Variants in GNAO1 observed in about 807,000 individuals in gnomAD.
GNAO1 encodes guanine nucleotide-binding protein G(o) subunit alpha.
For synonymous variants in GNAO1, 164 were observed against 180.7 expected, an observed-to-expected ratio of 0.91 and a Z score of 0.74; for missense variants, 166 against 478.7, an observed-to-expected ratio of 0.35 and a Z score of 6.10.
chr16:56,284,677 C>T (rs2037147930), intron 3 of GNAO1, among the ~76,000 whole-genome samples: 1 of 152,152 alleles, frequency 6.6e-6, no homozygotes, highest in Admixed American at 6.5e-5. Flanking sequence ...CCCTTGGGGC[C>T]AGACAGCAGG....
chr16:56,287,991 C>T (rs1229945843), intron 3 of GNAO1, among the ~76,000 whole-genome samples: 1 of 152,186 alleles, frequency 6.6e-6, no homozygotes, highest in Non-Finnish European at 1.5e-5. Flanking sequence ...ATAGCATCTG[C>T]GCAGAGTAAA....
chr16:56,277,876 A>G (rs1158452303), intron 3 of GNAO1, among the ~76,000 whole-genome samples: 1 of 150,808 alleles, frequency 6.6e-6, no homozygotes, highest in Non-Finnish European at 1.5e-5. Flanking sequence ...AAATGTATTC[A>G]TCTCCCAGCC....
intron 5 of GNAO1, among the ~76,000 whole-genome samples, chr16:56,335,148 G>A (rs1200094584): frequency 6.6e-6 from 1 of 152,188 alleles, no homozygotes; most frequent in East Asian, 1.9e-4. Context: ...CAAGGAGGAG[G>A]AGGAGGTGGG....
At chr16:56,347,616 G>T (rs2037884032) in intron 6 of GNAO1, 1 of 968,264 alleles carries the variant, frequency 1.0e-6, no homozygotes, top group African/African-American at 2.1e-5. Flanking sequence ...TCCCCTCCAT[G>T]AGAGAGGGGC....
chr16:56,249,560 G>C (rs1216314009), intron 2 of GNAO1, among the ~76,000 whole-genome samples: 1 of 152,212 alleles, frequency 6.6e-6, no homozygotes, highest in Non-Finnish European at 1.5e-5. Context: ...CAGAGCTTTT[G>C]TGTCAAGGAG....
intron 2 of GNAO1, among the ~76,000 whole-genome samples, chr16:56,257,700 C>A (rs1412458079): frequency 3.9e-5 from 6 of 152,242 alleles, no homozygotes; most frequent in African/African-American, 1.2e-4. Context: ...AAAAAAAAAT[C>A]TTCCATTAGT....
intron 2 of GNAO1, among the ~76,000 whole-genome samples, chr16:56,199,104 G>A (rs2036259410): frequency 6.6e-6 from 1 of 152,144 alleles, no homozygotes; most frequent in Admixed American, 6.5e-5. Flanking sequence ...GTATGAAATT[G>A]GGAATTCCCT....
intron 6 of GNAO1, among the ~76,000 whole-genome samples, chr16:56,339,251 G>A (rs1198313873): frequency 1.3e-5 from 2 of 152,352 alleles, no homozygotes; most frequent in South Asian, 2.1e-4. Flanking sequence ...CACCCCTGCC[G>A]CCTGTGTGAT....
At chr16:56,289,270 G>A (rs2037206859) in intron 3 of GNAO1, among the ~76,000 whole-genome samples, 2 of 152,314 alleles carry the variant, frequency 1.3e-5, no homozygotes, top group South Asian at 4.1e-4. Flanking sequence ...CTGTCACTGA[G>A]AATGACACAC....
At chr16:56,239,157 C>T (rs1193015154) in intron 2 of GNAO1, among the ~76,000 whole-genome samples, 2 of 152,178 alleles carry the variant, frequency 1.3e-5, no homozygotes, top group South Asian at 2.1e-4. Context: ...TGCACTAGCC[C>T]ATCACAGGCA....
intron 2 of GNAO1, among the ~76,000 whole-genome samples, chr16:56,274,025 G>A (rs758782506): frequency 2.2e-4 from 34 of 152,266 alleles, no homozygotes; most frequent in Non-Finnish European, 3.4e-4. Flanking sequence ...CTCTCTCTTC[G>A]CAGTTTTCTC....
At chr16:56,288,649 G>A (rs570608093) in intron 3 of GNAO1, among the ~76,000 whole-genome samples, 1 of 152,338 alleles carries the variant, frequency 6.6e-6, no homozygotes, top group East Asian at 1.9e-4. Flanking sequence ...CAGCGTGGGG[G>A]CCGGTCTTCC....
chr16:56,231,132 A>G (rs1453983552), intron 2 of GNAO1, among the ~76,000 whole-genome samples: 1 of 152,232 alleles, frequency 6.6e-6, no homozygotes, highest in Non-Finnish European at 1.5e-5. Flanking sequence ...TTACCTGGGC[A>G]GTGTGGCTTA....
At chr16:56,276,204 GCA>G (rs2037060331) in intron 3 of GNAO1, 132 bp downstream of exon 3, 1 of 728,522 alleles carries the variant, frequency 1.4e-6, no homozygotes, top group Non-Finnish European at 2.1e-6. Flanking sequence ...ATATATGGTG[GCA>G]CAGTCACCAA....
intron 3 of GNAO1, among the ~76,000 whole-genome samples, chr16:56,312,116 C>T (rs925330313): frequency 6.6e-6 from 1 of 152,140 alleles, no homozygotes; most frequent in East Asian, 1.9e-4. Context: ...CCACCTCCTA[C>T]TCACGGGCCT....
intron 3 of GNAO1, among the ~76,000 whole-genome samples, chr16:56,300,036 T>C (rs111765687): frequency 6.0e-4 from 57 of 95,176 alleles, no homozygotes; most frequent in African/African-American, 2.4e-3. Flanking sequence ...TGTGTGTGTG[T>C]GCGCGCGCGC....
intron 2 of GNAO1, 69 bp from the exon 3 acceptor site, chr16:56,275,862 A>G (rs974398512): frequency 1.9e-5 from 26 of 1,390,644 alleles, no homozygotes; most frequent in Non-Finnish European, 2.5e-5. Context: ...AGTGCGTCTC[A>G]TGCCTGTGCT....
At chr16:56,233,975 G>T (rs2036614124) in intron 2 of GNAO1, among the ~76,000 whole-genome samples, 1 of 152,220 alleles carries the variant, frequency 6.6e-6, no homozygotes, top group Non-Finnish European at 1.5e-5. Context: ...GCTCTGCTGG[G>T]AAGCATGGTA....
intron 2 of GNAO1, among the ~76,000 whole-genome samples, chr16:56,221,731 T>A (rs1596805310): frequency 1.3e-5 from 2 of 151,792 alleles, no homozygotes; most frequent in African/African-American, 4.8e-5. Context: ...AGAACAGTTG[T>A]TAATTCTCCA....
Sources: gnomAD v4.1 joint callset for allele counts (sites outside exome capture counted in the v4.1 genomes callset) on GRCh38, gnomAD v4.1.1 for gene constraint, MANE v1.5 for transcripts, NCBI Gene and HGNC (gene_info 2026-07-23, HGNC 2026-07-21) for gene names.